RPSA2: variants seen among roughly 807,000 people sequenced by gnomAD.
The protein encoded by RPSA2 is small ribosomal subunit protein uS2B.
At chr19:23,770,556 C>A in the RPSA2 span, among the ~76,000 whole-genome samples, 1 of 152,182 alleles carries the variant, frequency 6.6e-6, no homozygotes, top group East Asian at 1.9e-4. Flanking sequence ...ACATAAGTGG[C>A]CTTGTGAAAT....
the RPSA2 span, among the ~76,000 whole-genome samples, chr19:23,836,866 C>T: frequency 2.0e-5 from 3 of 151,836 alleles, 1 homozygote; most frequent in African/African-American, 4.8e-5. Flanking sequence ...GAGTTCATTA[C>T]AGATTCTGTA....
the RPSA2 span, among the ~76,000 whole-genome samples, chr19:23,828,276 A>T: frequency 6.8e-6 from 1 of 145,990 alleles, no homozygotes; most frequent in Non-Finnish European, 1.5e-5. Flanking sequence ...GTAGCTTTGT[A>T]ATGTGTTTTG....
the RPSA2 span, among the ~76,000 whole-genome samples, chr19:23,795,596 CAT>C: frequency 2.0e-5 from 3 of 152,038 alleles, no homozygotes; most frequent in African/African-American, 7.2e-5. Context: ...GTTTTCCAGA[CAT>C]AGAGTTATGT....
the RPSA2 span, among the ~76,000 whole-genome samples, chr19:23,797,567 G>C: frequency 6.6e-6 from 1 of 152,096 alleles, no homozygotes; most frequent in Admixed American, 6.5e-5. Flanking sequence ...TTTTTGTCAA[G>C]CTGAAGAGTT....
the RPSA2 span, among the ~76,000 whole-genome samples, chr19:23,834,360 C>A: frequency 1.4e-3 from 213 of 151,966 alleles, no homozygotes; most frequent in Admixed American, 3.6e-3. Context: ...AAGCATGTGA[C>A]TAATTGTTGC....
the RPSA2 span, among the ~76,000 whole-genome samples, chr19:23,794,162 G>T: frequency 6.6e-6 from 1 of 152,100 alleles, no homozygotes; most frequent in South Asian, 2.1e-4. Flanking sequence ...CAGTGAACAC[G>T]CTTGTGCATG....
the RPSA2 span, among the ~76,000 whole-genome samples, chr19:23,855,801 G>A: frequency 1.3e-5 from 2 of 152,102 alleles, no homozygotes; most frequent in Non-Finnish European, 2.9e-5. Context: ...TGACAGGAGG[G>A]TGAGGAGCTG....
chr19:23,841,324 C>T, the RPSA2 span, among the ~76,000 whole-genome samples: 7 of 151,900 alleles, frequency 4.6e-5, no homozygotes, highest in East Asian at 2.0e-4. Context: ...ATCAGCTGGG[C>T]GTGGTGGTGG....
the RPSA2 span, among the ~76,000 whole-genome samples, chr19:23,824,707 C>A: frequency 1.3e-5 from 2 of 149,802 alleles, no homozygotes; most frequent in East Asian, 3.9e-4. Context: ...TCACCATGTA[C>A]CTTTTTTTGT....
At chr19:23,778,596 C>G in the RPSA2 span, among the ~76,000 whole-genome samples, 1 of 151,974 alleles carries the variant, frequency 6.6e-6, no homozygotes, top group African/African-American at 2.4e-5. Context: ...TATGACTTTC[C>G]TCTCCTGCCT....
the RPSA2 span, chr19:23,827,821 G>C: frequency 6.4e-7 from 1 of 1,558,036 alleles, no homozygotes; most frequent in Non-Finnish European, 8.7e-7. Flanking sequence ...CTGCTGAGAA[G>C]GCAGTGACCA....
At chr19:23,829,237 G>A in the RPSA2 span, among the ~76,000 whole-genome samples, 1 of 152,034 alleles carries the variant, frequency 6.6e-6, no homozygotes, top group Non-Finnish European at 1.5e-5. Context: ...TTGCATCTTT[G>A]TGTCTTATTC....
the RPSA2 span, among the ~76,000 whole-genome samples, chr19:23,787,286 C>T: frequency 4.6e-5 from 7 of 152,002 alleles, no homozygotes; most frequent in Non-Finnish European, 8.8e-5. Flanking sequence ...TATGCCTGGG[C>T]CTTGCCTATA....
the RPSA2 span, among the ~76,000 whole-genome samples, chr19:23,836,517 T>C: frequency 6.6e-6 from 1 of 152,212 alleles, no homozygotes; most frequent in African/African-American, 2.4e-5. Flanking sequence ...GACTTATTTT[T>C]CTCTGGGTAG....
At chr19:23,834,816 G>A in the RPSA2 span, among the ~76,000 whole-genome samples, 2 of 151,846 alleles carry the variant, frequency 1.3e-5, no homozygotes, top group Admixed American at 6.5e-5. Flanking sequence ...ATAATGGACT[G>A]ACATCACTAG....
At chr19:23,860,927 G>C in the RPSA2 span, among the ~76,000 whole-genome samples, 3 of 152,108 alleles carry the variant, frequency 2.0e-5, no homozygotes, top group Admixed American at 1.3e-4. Context: ...AAAGAAACTA[G>C]ACACACTGGT....
At chr19:23,869,317 G>A in the RPSA2 span, among the ~76,000 whole-genome samples, 2 of 152,182 alleles carry the variant, frequency 1.3e-5, no homozygotes, top group Non-Finnish European at 2.9e-5. Flanking sequence ...TACAACTGAA[G>A]CTCAAGCATG....
chr19:23,865,148 C>T, the RPSA2 span, among the ~76,000 whole-genome samples: 1 of 152,136 alleles, frequency 6.6e-6, no homozygotes, highest in Non-Finnish European at 1.5e-5. Context: ...ATGGGGACCC[C>T]AGGACAAATA....
the RPSA2 span, among the ~76,000 whole-genome samples, chr19:23,835,577 T>A: frequency 3.3e-5 from 5 of 151,662 alleles, no homozygotes; most frequent in African/African-American, 1.2e-4. Flanking sequence ...CTGGTACTCA[T>A]GCTAGTCCCG....
Sources: allele counts gnomAD v4.1 joint callset (sites outside exome capture counted in the v4.1 genomes callset), GRCh38; gene constraint gnomAD v4.1.1; transcripts MANE v1.5; gene names NCBI Gene and HGNC (gene_info 2026-07-23, HGNC 2026-07-21).